LONRF2: variants seen among roughly 807,000 people sequenced by gnomAD.
The protein encoded by LONRF2 is LON peptidase N-terminal domain and RING finger protein 2.
Under a neutral mutation model 66.6 loss-of-function variants are expected in LONRF2, and 35 were observed. The ratio of observed to expected loss-of-function variants is 0.53; its 90% CI spans 0.40 to 0.70. The LOEUF (loss-of-function observed/expected upper bound fraction) is 0.70, where lower values mean the gene tolerates loss of function less well. LONRF2 is among the 30% of genes least tolerant of loss of function. LONRF2 has a pLI of 0.00. For synonymous variants in LONRF2, 417 were observed against 418.1 expected, an observed-to-expected ratio of 1.00 and a Z score of 0.03; for missense variants, 902 against 1,002.1, an observed-to-expected ratio of 0.90 and a Z score of 1.35.
At position 100,275,627 on chromosome 2, in the gene LONRF2, C is replaced by G. The variant is rs768437191; in HGVS notation, c.*8671G>C. ...CTCAATCCGGTGGGATGCAAAGGAT[C>G]TATCCATAGAGACCAGTGGCTTGAG... On this transcript the variant is annotated 3_prime_UTR_variant, in exon 12 of 12. Transcript: ENST00000393437. 2 of 152,144 alleles carry G rather than the reference C, an allele frequency of 1.3e-5. No homozygotes were observed. The highest frequency in any genetic ancestry group is 2.9e-5 in the Non-Finnish European group (2 of 68,048). The allele number at this position is 152,144 out of a possible 1,614,324, so 9.4% of individuals were successfully genotyped here. A position where few individuals can be genotyped will look rare whatever the true frequency, so the allele number is the denominator to read the frequency against.
chr2:100,299,800 G>A lies in LONRF2; in HGVS notation c.1184C>T (p.Pro395Leu). ...AAACTGTCTCTTTAAGCCAGCGCTG[G>A]GTGCTGTTGGAAGGATGCTTTCTAA... ...KALESILPTAPSAGLKRQFPD... is the reference protein window; with the variant it reads ...KALESILPTALSAGLKRQFPD... The change falls in exon 5 of 12, where the codon CCC becomes CTC. Residue 395 changes from proline (P) to leucine (L), a missense_variant. Physicochemically the swap from Pro to Leu is moderately conservative, Grantham distance 98. Around this residue, in one of 2 missense-constraint regions of LONRF2, gnomAD observed 585 missense variants for 569.9 expected, o/e 1.03. Coordinates refer to ENST00000393437, the MANE Select transcript of LONRF2 (RefSeq NM_198461.4). 3.7e-6 allele frequency: 6 copies of A among 1,613,936 alleles called. No individual in the cohort carries two copies. Among genetic ancestry groups the A allele is most frequent in the Non-Finnish European group, 5.1e-6 (6 of 1,179,946 alleles).
chr2:100,314,820 A>C (rs1487379393), intron 1 of LONRF2, among the ~76,000 whole-genome samples: 1 of 152,190 alleles, frequency 6.6e-6, no homozygotes, highest in African/African-American at 2.4e-5. Flanking sequence ...AAGAGACTGT[A>C]TATGTGAGAG....
chr2:100,322,291 G>A lies in LONRF2; in HGVS notation c.-198C>T, dbSNP rs1675656745. 7.1e-6 allele frequency: 3 copies of A among 421,868 alleles called. No homozygotes were observed. Among genetic ancestry groups the A allele is most frequent in the Non-Finnish European group, 1.1e-5 (3 of 265,908 alleles). 26.1% of individuals were successfully genotyped at this position (421,868 alleles called of 1,614,324 possible). On this transcript the variant is annotated 5_prime_UTR_variant, in exon 1 of 12. Transcript: ENST00000393437. ...GCTTGGGCAGCGTCCTCAGCGCGGT[G>A]TGGGCGGCGAGCCCCGCAGGGCTGC... is the stretch of plus-strand genomic sequence containing the variant.
chr2:100,290,264 A>C lies in LONRF2; in HGVS notation c.1914T>G (p.Asp638Glu), dbSNP rs759669267. 2 of 1,612,448 alleles carry C rather than the reference A, an allele frequency of 1.2e-6. No individual in the cohort carries two copies. The highest frequency in any genetic ancestry group is 1.1e-5 in the South Asian group (1 of 90,634). ...YNTADIEYLE[D>E]EKVEGPEYEE... Reference sequence around the variant, plus strand: ...CCAGTATGATAAGCCTTACCTTTTCATCTTCAAGATATTCAATGTCCGCTG... The same window carrying C: ...CCAGTATGATAAGCCTTACCTTTTCCTCTTCAAGATATTCAATGTCCGCTG... The change falls in exon 10 of 12, where the codon GAT (aspartate) becomes GAG (glutamate). Residue 638 changes from aspartate (D) to glutamate (E), a missense_variant. Transcript: ENST00000393437.
chr2:100,300,727 T>G lies in LONRF2; in HGVS notation c.982A>C (p.Ile328Leu), dbSNP rs775989873. 1 of 1,613,680 alleles carries G rather than the reference T, an allele frequency of 6.2e-7. No homozygotes were observed. The highest frequency in any genetic ancestry group is 2.2e-5 in the East Asian group (1 of 44,854). The change falls in exon 4 of 12, where the codon ATC becomes CTC. Residue 328 changes from isoleucine to leucine, a missense_variant. Ile to Leu is a conservative substitution (Grantham distance 5, BLOSUM62 2). This residue lies in a region of LONRF2 where 585 missense variants were observed against 569.9 expected (regional missense o/e 1.03). Transcript: ENST00000393437. ...CCCTGAGCCTTTAATCTGCTTTGGA[T>G]GGAAGATGTTAAATTTTCATGCACA... is the stretch of plus-strand genomic sequence containing the variant. The part of the protein sequence containing the change: ...ANVHENLTSS[I>L]QSRLKAQGHS...
At chr2:100,288,244 C>G (rs186245240) in intron 10 of LONRF2, among the ~76,000 whole-genome samples, 2 of 152,302 alleles carry the variant, frequency 1.3e-5, no homozygotes, top group East Asian at 1.9e-4. Flanking sequence ...GCTCCCTGCT[C>G]TGCTCCCATG....
chr2:100,290,389 T>C lies in LONRF2; in HGVS notation c.1789A>G (p.Lys597Glu). Residue 597 changes from lysine to glutamate, a missense_variant, in exon 10 of 12, where the codon AAG becomes GAG. Coordinates refer to ENST00000393437, the MANE Select transcript of LONRF2 (RefSeq NM_198461.4). ...LSEYGCMLEI[K>E]DVRTFPDGSS... is the part of the protein sequence containing the mutation. Reference sequence around the variant, plus strand: ...CCATCAGGAAACGTTCTCACGTCCTTAATCTCCAGCATGCATCCATACTCT... The same window carrying C: ...CCATCAGGAAACGTTCTCACGTCCTCAATCTCCAGCATGCATCCATACTCT... 5.6e-6 allele frequency: 9 copies of C among 1,613,958 alleles called. No homozygotes were observed. The highest frequency in any genetic ancestry group is 7.6e-6 in the Non-Finnish European group (9 of 1,179,960).
In LONRF2 at chr2:100,275,746, C is replaced by G. The variant is rs544583102; in HGVS notation, c.*8552G>C. 6.6e-6 allele frequency: 1 copy of G among 152,306 alleles called. No homozygotes were observed. The highest frequency in any genetic ancestry group is 2.1e-4 in the South Asian group (1 of 4,824). 9.4% of individuals were successfully genotyped at this position (152,306 alleles called of 1,614,324 possible). On this transcript the variant is annotated 3_prime_UTR_variant, in exon 12 of 12. Coordinates refer to ENST00000393437, the MANE Select transcript of LONRF2 (RefSeq NM_198461.4). ...GCTACGTGAGCCTGTAACCACCCCC[C>G]ACCAGTGTGCCTGGGCACTCTGAAC...
At chr2:100,289,325 C>G (rs1186961639) in intron 10 of LONRF2, among the ~76,000 whole-genome samples, 1 of 152,046 alleles carries the variant, frequency 6.6e-6, no homozygotes, top group Non-Finnish European at 1.5e-5. Flanking sequence ...ATTAGCCGGC[C>G]CTTTACAGAA....
rs1398258005 is a variant in LONRF2, at chr2:100,283,210, T to C, written c.*1088A>G. Reference sequence around the variant, plus strand: ...ACACCTGGTCTGATCACCGTAAAACTTTCTTTCAAAAAAATAAAGATAATT... The same window carrying C: ...ACACCTGGTCTGATCACCGTAAAACCTTCTTTCAAAAAAATAAAGATAATT... On this transcript the variant is annotated 3_prime_UTR_variant, in exon 12 of 12. Coordinates refer to ENST00000393437, the MANE Select transcript of LONRF2 (RefSeq NM_198461.4). The C allele has an allele frequency of 6.6e-6, 1 of 152,166 alleles. No homozygotes were observed. Among genetic ancestry groups the C allele is most frequent in the Non-Finnish European group, 1.5e-5 (1 of 68,032 alleles). The allele number at this position is 152,166 out of a possible 1,614,324, so 9.4% of individuals were successfully genotyped here.
Position 100,272,446 on chromosome 2 carries a change from C to T in LONRF2, c.*11852G>A, listed in dbSNP as rs1183491686. On this transcript the variant is annotated 3_prime_UTR_variant, in exon 12 of 12. Coordinates refer to ENST00000393437, the MANE Select transcript of LONRF2 (RefSeq NM_198461.4). ...CCCAAGAGGTTGAGGCTGCAGTGAG[C>T]TATGCTTGTACCACTGCCCTCCAGC... Among the ~76,000 whole-genome samples, 1 of 152,066 alleles carries T rather than the reference C, an allele frequency of 6.6e-6. No homozygotes were observed. The highest frequency in any genetic ancestry group is 1.9e-4 in the East Asian group (1 of 5,182).
At chr2:100,295,816 C>A (rs1204658744) in intron 7 of LONRF2, among the ~76,000 whole-genome samples, 6 of 152,116 alleles carry the variant, frequency 3.9e-5, no homozygotes, top group Non-Finnish European at 8.8e-5. Context: ...AACCAAGTGC[C>A]ATGATGTTGG....
chr2:100,308,914 T>G (rs1231348403), intron 2 of LONRF2, among the ~76,000 whole-genome samples, 193 bp downstream of exon 2: 3 of 152,358 alleles, frequency 2.0e-5, no homozygotes, highest in South Asian at 4.1e-4. Flanking sequence ...GTTTCTCAGC[T>G]AAATCAGTTG....
intron 1 of LONRF2, among the ~76,000 whole-genome samples, chr2:100,319,254 T>A (rs989079735): frequency 7.9e-5 from 12 of 152,204 alleles, no homozygotes; most frequent in African/African-American, 2.9e-4. Flanking sequence ...AATGTTTTCA[T>A]AAAATTTTAA....
chr2:100,300,941 AT>A (rs745569527), intron 3 of LONRF2, among the ~76,000 whole-genome samples, 154 bp from the exon 4 acceptor site: 1 of 152,320 alleles, frequency 6.6e-6, no homozygotes, highest in Non-Finnish European at 1.5e-5. Context: ...AAATCCAAAC[AT>A]TTTTGAAACC....
intron 1 of LONRF2, among the ~76,000 whole-genome samples, chr2:100,314,376 C>T (rs1179434556): frequency 6.6e-6 from 1 of 152,164 alleles, no homozygotes; most frequent in Non-Finnish European, 1.5e-5. Flanking sequence ...GTTAATTGCT[C>T]ACTTTGAGAT....
Position 100,298,797 on chromosome 2 carries a change from G to C in LONRF2, c.1476+39C>G, listed in dbSNP as rs370779050. 190 of 1,464,430 alleles carry C rather than the reference G, an allele frequency of 1.3e-4. 1 individual carries two copies. Among genetic ancestry groups the C allele is most frequent in the Non-Finnish European group, 1.7e-4 (176 of 1,043,346 alleles). 90.7% of individuals were successfully genotyped at this position (1,464,430 alleles called of 1,614,324 possible). A position where few individuals can be genotyped will look rare whatever the true frequency, so the allele number is the denominator to read the frequency against. On this transcript the variant is annotated intron_variant, in intron 7 of 11. Transcript: ENST00000393437. ...GGAGTAAGCGTCCACCAAGGGATGAGAGGAGGAGCTGTCCCGTCATTTCCT... is the reference window on the plus strand; with the variant it reads ...GGAGTAAGCGTCCACCAAGGGATGACAGGAGGAGCTGTCCCGTCATTTCCT...
intron 1 of LONRF2, among the ~76,000 whole-genome samples, chr2:100,315,833 C>T (rs1573127560): frequency 6.6e-6 from 1 of 152,066 alleles, no homozygotes; most frequent in Non-Finnish European, 1.5e-5. Flanking sequence ...TCCTTTATTT[C>T]CTTCTTTGTA....
intron 1 of LONRF2, among the ~76,000 whole-genome samples, chr2:100,315,948 G>A (rs1289194218): frequency 6.6e-6 from 1 of 152,096 alleles, no homozygotes; most frequent in Non-Finnish European, 1.5e-5. Context: ...ATTTAAAACA[G>A]TAAGTTTCCC....
Sources: gnomAD v4.1 joint callset for allele counts (sites outside exome capture counted in the v4.1 genomes callset) on GRCh38, gnomAD v4.1.1 for gene constraint, gnomAD v4.1.1 regional missense constraint, MANE v1.5 for transcripts, NCBI Gene and HGNC (gene_info 2026-07-23, HGNC 2026-07-21) for gene names.